The following LUC7L2 variants were observed in gnomAD, a reference collection of about 807,000 sequenced individuals.
LUC7L2 encodes putative RNA-binding protein Luc7-like 2.
LUC7L2 carries 25 observed loss-of-function variants against 52.8 expected under a neutral mutation model. The ratio of observed to expected loss-of-function variants is 0.47; its 90% CI spans 0.34 to 0.66. The LOEUF (loss-of-function observed/expected upper bound fraction) is 0.66. Ranked by LOEUF, LUC7L2 falls within the 30% of genes least tolerant of loss-of-function variation. LUC7L2 has a pLI of 0.01. For missense variants in LUC7L2, 328 were observed against 497.8 expected, an observed-to-expected ratio of 0.66 and a Z score of 3.25; for synonymous variants, 144 against 160.9, an observed-to-expected ratio of 0.89 and a Z score of 0.80.
At chr7:139,378,012 CT>C (rs1800807559) in intron 2 of LUC7L2, among the ~76,000 whole-genome samples, 1 of 150,976 alleles carries the variant, frequency 6.6e-6, no homozygotes, top group South Asian at 2.1e-4. Context: ...GAGACTAGGT[CT>C]CACCATGTTA....
chr7:139,356,008 T>C (rs777150367), upstream of LUC7L2, among the ~76,000 whole-genome samples: 3 of 152,190 alleles, frequency 2.0e-5, no homozygotes, highest in South Asian at 2.1e-4. Context: ...AGAATGTATG[T>C]GCCCAAAGAA....
At chr7:139,392,760 A>T (rs965717526) in intron 2 of LUC7L2, 1 of 157,018 alleles carries the variant, frequency 6.4e-6, no homozygotes, top group South Asian at 1.8e-4. Flanking sequence ...GGTTCAAGCT[A>T]TTCTGCCTCA....
At chr7:139,371,163 C>T (rs1326579428) in intron 1 of LUC7L2, among the ~76,000 whole-genome samples, 1 of 152,150 alleles carries the variant, frequency 6.6e-6, no homozygotes, top group Non-Finnish European at 1.5e-5. Flanking sequence ...GGAGTGTCTC[C>T]ATTGCTTTGT....
chr7:139,383,666 TC>T (rs1407752049), intron 2 of LUC7L2, among the ~76,000 whole-genome samples: 1 of 151,434 alleles, frequency 6.6e-6, no homozygotes, highest in Non-Finnish European at 1.5e-5. Flanking sequence ...TCCGCCCACC[TC>T]GGCCTTCCAA....
chr7:139,395,210 A>T (rs539818583), intron 2 of LUC7L2, among the ~76,000 whole-genome samples: 3 of 152,364 alleles, frequency 2.0e-5, no homozygotes, highest in African/African-American at 7.2e-5. Flanking sequence ...ACTGCCTGGC[A>T]TATCAAAGAC....
intron 1 of LUC7L2, among the ~76,000 whole-genome samples, chr7:139,370,842 A>T (rs1173194223): frequency 6.6e-6 from 1 of 152,180 alleles, no homozygotes; most frequent in Admixed American, 6.5e-5. Context: ...TACAGTTCCC[A>T]CATTATTACG....
upstream of LUC7L2, among the ~76,000 whole-genome samples, chr7:139,357,705 T>TC (rs1799647846): frequency 1.3e-5 from 2 of 151,816 alleles, no homozygotes; most frequent in South Asian, 4.1e-4. Flanking sequence ...ATTTTTTTTT[T>TC]TTTTTTGAGA....
chr7:139,370,178 G>A (rs1434475463), intron 1 of LUC7L2, among the ~76,000 whole-genome samples: 2 of 152,176 alleles, frequency 1.3e-5, no homozygotes, highest in African/African-American at 4.8e-5. Flanking sequence ...ACTTTGGATG[G>A]TTTAAATATA....
intron 1 of LUC7L2, among the ~76,000 whole-genome samples, chr7:139,354,186 T>C (rs555830834): frequency 1.2e-4 from 19 of 152,272 alleles, no homozygotes; most frequent in African/African-American, 4.3e-4. Flanking sequence ...TCTAGGTAAT[T>C]TGGAGTGACC....
At chr7:139,349,731 TCTTCA>T (rs1799391367) in intron 1 of LUC7L2, among the ~76,000 whole-genome samples, 1 of 152,078 alleles carries the variant, frequency 6.6e-6, no homozygotes, top group Non-Finnish European at 1.5e-5. Context: ...CCGCTGTTCC[TCTTCA>T]CAAATGAATT....
intron 1 of LUC7L2, chr7:139,341,490 C>G (rs544455569): frequency 6.2e-7 from 1 of 1,613,660 alleles, no homozygotes; most frequent in Admixed American, 1.7e-5. Context: ...CGCGGCCTAT[C>G]GGTACCTTGT....
intron 1 of LUC7L2, among the ~76,000 whole-genome samples, chr7:139,340,846 A>C (rs1367128577): frequency 1.3e-5 from 2 of 151,018 alleles, no homozygotes; most frequent in Non-Finnish European, 3.0e-5. Context: ...TTTTTTTTTA[A>C]ATGGGAAGTG....
intron 2 of LUC7L2, among the ~76,000 whole-genome samples, chr7:139,388,708 G>T (rs1794308953): frequency 6.6e-6 from 1 of 150,524 alleles, no homozygotes; most frequent in Non-Finnish European, 1.5e-5. Flanking sequence ...ATCTTGTCCA[G>T]AACAAGACAT....
intron 1 of LUC7L2, among the ~76,000 whole-genome samples, chr7:139,372,260 T>C (rs1423743560): frequency 6.6e-6 from 1 of 152,090 alleles, no homozygotes; most frequent in Admixed American, 6.5e-5. Context: ...TTTTTTACTT[T>C]ATACACTAAA....
intron 3 of LUC7L2, 128 bp from the exon 4 acceptor site, chr7:139,402,009 A>G (rs1262018202): frequency 8.1e-6 from 8 of 983,986 alleles, no homozygotes; most frequent in African/African-American, 5.1e-5. Context: ...AAAGTGCTCA[A>G]TTACTGACGT....
chr7:139,417,338 G>A, intron 8 of LUC7L2, 200 bp from the exon 9 acceptor site: 1 of 679,644 alleles, frequency 1.5e-6, no homozygotes. Context: ...ACGGCGCCTG[G>A]CTGAGAATTA....
upstream of LUC7L2, among the ~76,000 whole-genome samples, chr7:139,354,965 C>T (rs941227345): frequency 6.6e-6 from 1 of 151,978 alleles, no homozygotes; most frequent in African/African-American, 2.4e-5. Context: ...TCAAGAGAGC[C>T]TCTTGCCTCA....
chr7:139,371,599 T>C, intron 1 of LUC7L2: 1 of 1,114,716 alleles, frequency 9.0e-7, no homozygotes, highest in Non-Finnish European at 1.3e-6. Flanking sequence ...GCATGCAAAG[T>C]ATAAAATCAT....
At chr7:139,417,461 C>G (rs916300750) in intron 8 of LUC7L2, 77 bp from the exon 9 acceptor site, 1 of 1,526,764 alleles carries the variant, frequency 6.5e-7, no homozygotes, top group Non-Finnish European at 8.8e-7. Flanking sequence ...AAAAGTTTCT[C>G]TTTAAAGAAA....
Sources: allele counts gnomAD v4.1 joint callset (sites outside exome capture counted in the v4.1 genomes callset), GRCh38; gene constraint gnomAD v4.1.1; transcripts MANE v1.5; gene names NCBI Gene and HGNC (gene_info 2026-07-23, HGNC 2026-07-21).